The following PDE8A variants were observed in gnomAD, a reference collection of about 807,000 sequenced individuals.
PDE8A encodes phosphodiesterase 8A, also known as high affinity cAMP-specific and IBMX-insensitive 3',5'-cyclic phosphodiesterase 8A.
PDE8A carries 59 observed loss-of-function variants against 105.0 expected under a neutral mutation model. The ratio of observed to expected loss-of-function variants is 0.56; its 90% CI spans 0.46 to 0.70. PDE8A has a LOEUF of 0.70. Ranked by LOEUF, PDE8A falls within the 30% of genes least tolerant of loss-of-function variation. The probability of loss-of-function intolerance (pLI) is 0.00; values close to 1 mark genes in which losing one functional copy is unlikely to be tolerated. For missense variants in PDE8A, 1,014 were observed against 1,045.9 expected (o/e 0.97, Z 0.42); for synonymous variants, 355 against 371.9 (o/e 0.95, Z 0.52).
At chr15:85,120,400 C>A (rs994060184) in intron 17 of PDE8A, 17 of 153,452 alleles carry the variant, frequency 1.1e-4, no homozygotes, top group African/African-American at 3.6e-4. Context: ...AAAACTAAAT[C>A]AATTCCCAGT....
At chr15:85,008,925 T>G (rs1183919348) in intron 1 of PDE8A, among the ~76,000 whole-genome samples, 1 of 152,180 alleles carries the variant, frequency 6.6e-6, no homozygotes, top group African/African-American at 2.4e-5. Flanking sequence ...TGTGAGGCTT[T>G]CCAGGCATCT....
intron 5 of PDE8A, among the ~76,000 whole-genome samples, chr15:85,077,193 T>A (rs1038629180): frequency 3.9e-5 from 6 of 152,198 alleles, no homozygotes; most frequent in Non-Finnish European, 8.8e-5. Flanking sequence ...CAGGATGTAT[T>A]GTTATGATGC....
intron 2 of PDE8A, among the ~76,000 whole-genome samples, chr15:85,066,435 C>A (rs553839511): frequency 8.7e-4 from 133 of 152,058 alleles, no homozygotes; most frequent in African/African-American, 3.1e-3. Flanking sequence ...TGGTGGCGCA[C>A]ACCTGTAATC....
Position 85,081,835 on chromosome 15 carries a change from T to C in PDE8A, c.547-1721T>C, listed in dbSNP as rs182899437. Among the ~76,000 whole-genome samples the C allele has an allele frequency of 2.0e-5, 3 of 152,330 alleles. No individual in the cohort carries two copies. The East Asian group carries it at 5.8e-4, about 29-fold the overall frequency. ...TGCTAGTTTTTTTTACCTTGATTTC[T>C]GCCTTTGGGGTAAAAAAGTTTGGTG... On this transcript the variant is annotated intron_variant, in intron 5 of 21. Coordinates refer to ENST00000394553, the MANE Select transcript of PDE8A (RefSeq NM_002605.3).
At chr15:85,089,507 T>C (rs1567276714) in intron 7 of PDE8A, 91 bp downstream of exon 7, 4 of 665,040 alleles carry the variant, frequency 6.0e-6, no homozygotes. Flanking sequence ...ATTTTTTTTT[T>C]TCTTTTTGAA....
At chr15:85,114,676 A>C (rs1487163921) in intron 14 of PDE8A, among the ~76,000 whole-genome samples, 1 of 152,144 alleles carries the variant, frequency 6.6e-6, no homozygotes, top group African/African-American at 2.4e-5. Context: ...CCTCCCTCCC[A>C]ATTACTGCTT....
chr15:85,011,110 A>T (rs1399034863), intron 1 of PDE8A, among the ~76,000 whole-genome samples: 1 of 152,154 alleles, frequency 6.6e-6, no homozygotes, highest in East Asian at 1.9e-4. Flanking sequence ...CAAGTATCAT[A>T]AATATCCTCT....
At position 85,076,784 on chromosome 15, in the gene PDE8A, A is replaced by C. The variant is rs757930765; in HGVS notation, c.543A>C (p.Thr181=). ...TGCCTTTCATTTCTGCTGGATTTAC[A>C]AGGGTATGTACTCACTTATTTGTTA... ...SVMPFISAGF[T]RRYVENPNIM... is the part of the protein sequence containing the mutation. The change falls in exon 5 of 22, where the codon ACA becomes ACC. Residue 181 remains threonine (T), a synonymous_variant. Coordinates refer to ENST00000394553, the MANE Select transcript of PDE8A (RefSeq NM_002605.3). The C allele has an allele frequency of 1.3e-6, 2 of 1,560,890 alleles. No homozygotes were observed. The highest frequency in any genetic ancestry group is 4.5e-5 in the East Asian group (2 of 44,614).
intron 6 of PDE8A, among the ~76,000 whole-genome samples, chr15:85,085,373 G>C (rs1311582672): frequency 6.6e-6 from 1 of 152,182 alleles, no homozygotes; most frequent in Non-Finnish European, 1.5e-5. Flanking sequence ...ACAAGCAGGG[G>C]TGTTACTGCT....
intron 6 of PDE8A, among the ~76,000 whole-genome samples, chr15:85,087,741 T>C (rs1191046210): frequency 1.3e-5 from 2 of 152,184 alleles, no homozygotes; most frequent in South Asian, 2.1e-4. Context: ...ATGAAAATTA[T>C]TGATATGGAA....
chr15:85,009,390 C>T (rs1026994816), intron 1 of PDE8A, among the ~76,000 whole-genome samples: 1 of 152,170 alleles, frequency 6.6e-6, no homozygotes, highest in Admixed American at 6.5e-5. Context: ...ACTATTCCTA[C>T]ACATTGTTTT....
chr15:85,089,458 T>G lies in PDE8A; in HGVS notation c.714+42T>G, dbSNP rs1043738426. 5.7e-6 allele frequency: 7 copies of G among 1,235,512 alleles called. No homozygotes were observed. In the African/African-American group the frequency reaches 7.5e-5, roughly 13 times the overall value. 76.5% of individuals were successfully genotyped at this position (1,235,512 alleles called of 1,614,324 possible). On this transcript the variant is annotated intron_variant, in intron 7 of 21. Coordinates refer to ENST00000394553, the MANE Select transcript of PDE8A (RefSeq NM_002605.3). ...ATCTGTCTTTCTGGATTTCTTGTTT[T>G]GCTTTTTCCAACTTTTAGGATTGAA...
intron 1 of PDE8A, among the ~76,000 whole-genome samples, chr15:85,016,059 C>A (rs928256281): frequency 6.6e-6 from 1 of 152,132 alleles, no homozygotes; most frequent in African/African-American, 2.4e-5. Context: ...TCACTTGAAC[C>A]CGGGAAGTGG....
rs116430505 is a variant in PDE8A at position 84,987,396 on chromosome 15, G to A, written c.186+5048G>A. Among the ~76,000 whole-genome samples the A allele has an allele frequency of 7.2e-3, 1,081 of 150,718 alleles. 11 individuals carry two copies. The highest frequency in any genetic ancestry group is 0.025 in the African/African-American group (1,029 of 40,880). ...GATAGGGCCTGTGGTCCCTTCTGGC[G>A]CAAATGTTTCCTGTGAAGTGGCTTA... On this transcript the variant is annotated intron_variant, in intron 1 of 21. Coordinates refer to ENST00000394553, the MANE Select transcript of PDE8A (RefSeq NM_002605.3).
chr15:85,008,917 T>A (rs949203822), intron 1 of PDE8A, among the ~76,000 whole-genome samples: 1 of 152,162 alleles, frequency 6.6e-6, no homozygotes, highest in African/African-American at 2.4e-5. Flanking sequence ...AGTAAGCCTG[T>A]GAGGCTTTCC....
intron 11 of PDE8A, among the ~76,000 whole-genome samples, chr15:85,108,169 G>T (rs2081972253): frequency 1.3e-5 from 2 of 152,104 alleles, no homozygotes; most frequent in Non-Finnish European, 1.5e-5. Context: ...TAGTTTAATT[G>T]GGCAAAGAAG....
chr15:85,121,418 ATC>A (rs1174247416), intron 18 of PDE8A, among the ~76,000 whole-genome samples: 3 of 152,206 alleles, frequency 2.0e-5, no homozygotes, highest in African/African-American at 7.2e-5. Flanking sequence ...GCCTTCCCTG[ATC>A]TCTCATGCTA....
At chr15:85,034,143 GTAT>G (rs1567239885) in intron 1 of PDE8A, among the ~76,000 whole-genome samples, 3 of 152,136 alleles carry the variant, frequency 2.0e-5, no homozygotes, top group Non-Finnish European at 2.9e-5. Context: ...TGACTCCTCC[GTAT>G]TATTAACGAT....
intron 1 of PDE8A, among the ~76,000 whole-genome samples, chr15:85,000,034 T>TG (rs1044370379): frequency 6.6e-6 from 1 of 152,196 alleles, no homozygotes; most frequent in African/African-American, 2.4e-5. Flanking sequence ...TCTGAAAACT[T>TG]GCGTTCAAAT....
Sources: gnomAD v4.1 joint callset for allele counts (sites outside exome capture counted in the v4.1 genomes callset) on GRCh38, gnomAD v4.1.1 for gene constraint, MANE v1.5 for transcripts, NCBI Gene and HGNC (gene_info 2026-07-23, HGNC 2026-07-21) for gene names.